UST: variants seen among roughly 807,000 people sequenced by gnomAD.
UST encodes the protein chondroitin sulfate 2-O-sulfotransferase.
Under a neutral mutation model 45.6 loss-of-function variants are expected in UST, and 21 were observed. The observed-to-expected ratio is 0.46, with a 90% CI of 0.33 to 0.66. UST has a LOEUF of 0.66. UST is among the 30% of genes least tolerant of loss of function. UST has a pLI of 0.02. For synonymous variants in UST, 215 were observed against 200.6 expected (o/e 1.07, Z -0.61); for missense variants, 463 against 512.4 (o/e 0.90, Z 0.93).
chr6:149,021,095 G>A (rs1423863093), intron 6 of UST, among the ~76,000 whole-genome samples: 1 of 152,100 alleles, frequency 6.6e-6, no homozygotes, highest in Non-Finnish European at 1.5e-5. Flanking sequence ...CCTGGGCTTG[G>A]CATGAAGCAT....
chr6:149,040,017 A>C (rs1275622572), intron 7 of UST, among the ~76,000 whole-genome samples: 3 of 152,206 alleles, frequency 2.0e-5, no homozygotes, highest in Non-Finnish European at 4.4e-5. Flanking sequence ...ATACCTGGAC[A>C]TGCCTACCTG....
intron 7 of UST, among the ~76,000 whole-genome samples, chr6:149,044,884 T>C (rs1776375997): frequency 6.6e-6 from 1 of 152,184 alleles, no homozygotes; most frequent in Admixed American, 6.5e-5. Flanking sequence ...ACTTGCAAAG[T>C]GGAATCCACC....
chr6:148,897,248 A>G (rs1436414541), intron 2 of UST, among the ~76,000 whole-genome samples: 1 of 151,406 alleles, frequency 6.6e-6, no homozygotes, highest in Non-Finnish European at 1.5e-5. Flanking sequence ...GCTCACTGCA[A>G]CCTCCACCTC....
intron 7 of UST, among the ~76,000 whole-genome samples, chr6:149,068,605 C>T (rs533657053): frequency 2.8e-4 from 43 of 152,234 alleles, no homozygotes; most frequent in African/African-American, 1.0e-3. Flanking sequence ...CACAATATCA[C>T]ATTTTATTGA....
rs147550279 is a variant in UST, at chr6:148,780,756, A to T, written c.247+33079A>T. 8.8e-3 allele frequency among the ~76,000 whole-genome samples: 1,340 copies of T among 152,262 alleles called. 11 individuals carry two copies. The highest frequency in any genetic ancestry group is 0.024 in the Middle Eastern group (7 of 294). On this transcript the variant is annotated intron_variant, in intron 1 of 7. Coordinates refer to ENST00000367463, the MANE Select transcript of UST (RefSeq NM_005715.3). ...AGTCAGCACCATTTTTTCTGATAAC[A>T]TATGCTTACTTAGTGCCTCTGTATC...
At chr6:148,758,660 A>G (rs778715387) in intron 1 of UST, among the ~76,000 whole-genome samples, 29 of 152,318 alleles carry the variant, frequency 1.9e-4, no homozygotes, top group Non-Finnish European at 2.2e-4. Flanking sequence ...AAGAGCAGTG[A>G]ACCGCAGAAG....
At chr6:148,930,962 A>G (rs1779910610) in intron 2 of UST, among the ~76,000 whole-genome samples, 1 of 152,244 alleles carries the variant, frequency 6.6e-6, no homozygotes, top group Admixed American at 6.5e-5. Context: ...AGTATATCCA[A>G]GCTTTTGGTC....
At chr6:148,877,526 GGCAGGGGATCGTGTTTGAGT>G (rs1243687228) in intron 1 of UST, among the ~76,000 whole-genome samples, 11 of 103,130 alleles carry the variant, frequency 1.1e-4, no homozygotes, top group African/African-American at 3.1e-4. Flanking sequence ...TGTGTGTGGG[GGCAGGGGATCGTGTTTGAGT>G]GCAGGGGATC....
Position 148,872,291 on chromosome 6 carries a change from AGAT to A in UST, c.248-14690_248-14688del, listed in dbSNP as rs140774298. 9.7e-3 allele frequency among the ~76,000 whole-genome samples: 1,485 copies of A among 152,338 alleles called. 23 individuals carry two copies. Among genetic ancestry groups the A allele is most frequent in the African/African-American group, 0.034 (1,424 of 41,574 alleles). ...GATGGTACACTGAAGTAAACTGGTG[AGAT>A]GATGGTGTCTATATGAGGCTTGATG... On this transcript the variant is annotated intron_variant, in intron 1 of 7. Coordinates refer to ENST00000367463, the MANE Select transcript of UST (RefSeq NM_005715.3).
At chr6:148,867,285 TACACACACACACACAC>T (rs58093813) in intron 1 of UST, among the ~76,000 whole-genome samples, 390 of 136,846 alleles carry the variant, frequency 2.8e-3, no homozygotes, top group African/African-American at 0.01. Flanking sequence ...CATTGTTGAA[TACACACACACACACAC>T]ACACACACAC....
At chr6:148,799,960 C>T (rs1257590564) in intron 1 of UST, among the ~76,000 whole-genome samples, 1 of 152,160 alleles carries the variant, frequency 6.6e-6, no homozygotes, top group Admixed American at 6.5e-5. Context: ...TAATAAATAT[C>T]AATGCTATTA....
At chr6:148,926,788 A>C (rs534060995) in intron 2 of UST, among the ~76,000 whole-genome samples, 4 of 152,320 alleles carry the variant, frequency 2.6e-5, no homozygotes, top group Admixed American at 2.6e-4. Flanking sequence ...AAGTGAGTCT[A>C]GGGTGACTAT....
chr6:148,936,065 A>G (rs113683984), intron 2 of UST, among the ~76,000 whole-genome samples: 2 of 152,252 alleles, frequency 1.3e-5, no homozygotes, highest in African/African-American at 4.8e-5. Flanking sequence ...TTTGTATATT[A>G]AAGAAGTGTC....
intron 2 of UST, among the ~76,000 whole-genome samples, chr6:148,891,053 A>G (rs1279252732): frequency 6.6e-6 from 1 of 152,210 alleles, no homozygotes; most frequent in African/African-American, 2.4e-5. Context: ...GGAAGCTTCT[A>G]CCCAGTTCCT....
intron 1 of UST, among the ~76,000 whole-genome samples, chr6:148,762,457 C>T (rs1776239167): frequency 6.6e-6 from 1 of 151,932 alleles, no homozygotes; most frequent in Non-Finnish European, 1.5e-5. Context: ...GTATGTTTAG[C>T]CATGTTTTCA....
intron 1 of UST, among the ~76,000 whole-genome samples, chr6:148,786,057 C>T (rs1291480219): frequency 6.6e-6 from 1 of 150,836 alleles, no homozygotes; most frequent in African/African-American, 2.4e-5. Context: ...AATCTTAAGA[C>T]ATTTTTGCTT....
chr6:149,006,870 C>T (rs926403532), intron 5 of UST, among the ~76,000 whole-genome samples: 2 of 152,070 alleles, frequency 1.3e-5, no homozygotes, highest in African/African-American at 4.8e-5. Context: ...TTGCATTTTT[C>T]CCACTTTCCA....
intron 7 of UST, among the ~76,000 whole-genome samples, chr6:149,061,637 A>G (rs1776656408): frequency 2.0e-5 from 3 of 152,238 alleles, no homozygotes; most frequent in African/African-American, 7.2e-5. Context: ...TTTCATGCAG[A>G]TGGGTGTGCC....
chr6:148,857,772 A>G (rs1355400993), intron 1 of UST, among the ~76,000 whole-genome samples: 3 of 151,484 alleles, frequency 2.0e-5, no homozygotes, highest in Non-Finnish European at 4.4e-5. Context: ...CAAAAAAAAA[A>G]AAAAAAAATT....
Sources: gnomAD v4.1 joint callset for allele counts (sites outside exome capture counted in the v4.1 genomes callset) on GRCh38, gnomAD v4.1.1 for gene constraint, MANE v1.5 for transcripts, NCBI Gene and HGNC (gene_info 2026-07-23, HGNC 2026-07-21) for gene names.